The following XKR9 variants were observed in gnomAD, a reference collection of about 807,000 sequenced individuals.
XKR9 encodes the protein XK-related protein 9.
Under a neutral mutation model 32.0 loss-of-function variants are expected in XKR9, and 32 were observed. The ratio of observed to expected loss-of-function variants is 1.00; its 90% CI spans 0.76 to 1.34. The LOEUF (loss-of-function observed/expected upper bound fraction) is 1.34, where lower values mean the gene tolerates loss of function less well. Ranked by LOEUF, XKR9 falls within the 40% of genes most tolerant of loss-of-function variation. The pLI, the probability that XKR9 is intolerant of heterozygous loss-of-function variation, is 0.00. For missense variants in XKR9, 546 were observed against 429.7 expected (o/e 1.27, Z -2.39); for synonymous variants, 168 against 143.4 (o/e 1.17, Z -1.22).
chr8:71,017,144 T>G, the XKR9 span, among the ~76,000 whole-genome samples: 2 of 152,178 alleles, frequency 1.3e-5, no homozygotes, highest in South Asian at 4.1e-4. Context: ...GTATTTTATG[T>G]GGAATTTTGA....
At chr8:71,015,931 G>T in the XKR9 span, among the ~76,000 whole-genome samples, 17 of 152,188 alleles carry the variant, frequency 1.1e-4, no homozygotes, top group African/African-American at 4.1e-4. Context: ...TAGAAAAGGG[G>T]TGCTGTGTAT....
chr8:70,827,381 C>A, the XKR9 span, among the ~76,000 whole-genome samples: 3 of 152,066 alleles, frequency 2.0e-5, no homozygotes, highest in Admixed American at 6.5e-5. Flanking sequence ...ATTTAGTGTT[C>A]TTTTTAGCTT....
chr8:70,957,982 T>G, the XKR9 span, among the ~76,000 whole-genome samples: 1 of 152,002 alleles, frequency 6.6e-6, no homozygotes, highest in African/African-American at 2.4e-5. Flanking sequence ...GAGATGAGCT[T>G]CCACCATGTT....
intron 2 of XKR9, among the ~76,000 whole-genome samples, chr8:70,776,799 T>C (rs13254851): frequency 0.4 from 60,325 of 150,628 alleles, 13,567 homozygotes; most frequent in Non-Finnish European, 0.52. Context: ...TTAAGAAATC[T>C]TTATAATTTT....
At chr8:70,715,755 G>C (rs552385021) in intron 4 of XKR9, among the ~76,000 whole-genome samples, 1 of 152,092 alleles carries the variant, frequency 6.6e-6, no homozygotes. Flanking sequence ...AAACTGAATG[G>C]CATGAAATTT....
chr8:70,812,366 C>G, the XKR9 span, among the ~76,000 whole-genome samples: 2 of 152,314 alleles, frequency 1.3e-5, no homozygotes, highest in East Asian at 3.9e-4. Flanking sequence ...GAAGCTTTCT[C>G]TTTGAAAACT....
In XKR9 at chr8:70,730,405, T is replaced by C. The variant is rs565315040; in HGVS notation, c.494-3391T>C. 2.0e-5 allele frequency among the ~76,000 whole-genome samples: 3 copies of C among 152,264 alleles called. No homozygotes were observed. The South Asian group carries it at 6.2e-4, about 32-fold the overall frequency. On this transcript the variant is annotated intron_variant, in intron 4 of 4. Coordinates refer to ENST00000408926, the MANE Select transcript of XKR9 (RefSeq NM_001011720.2). Reference sequence around the variant, plus strand: ...ACAGTTTTCTCCATAGAGCTCTTTTTTTCTAAAGAAAAATTCTTTTAAATT... The same window carrying C: ...ACAGTTTTCTCCATAGAGCTCTTTTCTTCTAAAGAAAAATTCTTTTAAATT...
the XKR9 span, among the ~76,000 whole-genome samples, chr8:71,054,692 T>C: frequency 6.6e-6 from 1 of 152,220 alleles, no homozygotes; most frequent in East Asian, 1.9e-4. Flanking sequence ...TTATTGTAAC[T>C]AGTGACATAA....
At chr8:70,758,924 T>C (rs1377622841) in intron 2 of XKR9, among the ~76,000 whole-genome samples, 1 of 152,232 alleles carries the variant, frequency 6.6e-6, no homozygotes, top group African/African-American at 2.4e-5. Context: ...TCTAATGTGC[T>C]GGCCTGTGTT....
chr8:71,025,848 T>C, the XKR9 span, among the ~76,000 whole-genome samples: 1 of 152,230 alleles, frequency 6.6e-6, no homozygotes, highest in African/African-American at 2.4e-5. Flanking sequence ...CCTTTTATTT[T>C]GCCTGCCCTC....
At chr8:70,983,965 G>T in the XKR9 span, among the ~76,000 whole-genome samples, 1 of 152,268 alleles carries the variant, frequency 6.6e-6, no homozygotes, top group South Asian at 2.1e-4. Context: ...TAACAATCAT[G>T]ATGGAAACAA....
At chr8:70,979,803 G>A in the XKR9 span, among the ~76,000 whole-genome samples, 1 of 152,184 alleles carries the variant, frequency 6.6e-6, no homozygotes, top group Non-Finnish European at 1.5e-5. Flanking sequence ...CCGTCAGATA[G>A]GGATGTTTAA....
chr8:70,989,244 C>T, the XKR9 span, among the ~76,000 whole-genome samples: 2 of 152,090 alleles, frequency 1.3e-5, no homozygotes, highest in African/African-American at 2.4e-5. Context: ...CATGGAAATC[C>T]CCAAATTATT....
chr8:70,964,280 G>A, the XKR9 span, among the ~76,000 whole-genome samples: 1 of 152,142 alleles, frequency 6.6e-6, no homozygotes, highest in East Asian at 1.9e-4. Context: ...AGTTGTAGGT[G>A]TGTAGTCTTG....
At chr8:70,860,329 T>C in the XKR9 span, among the ~76,000 whole-genome samples, 2 of 152,060 alleles carry the variant, frequency 1.3e-5, no homozygotes, top group African/African-American at 4.8e-5. Flanking sequence ...CTTTATGCCA[T>C]GTGAAGATAC....
At chr8:70,952,831 A>C in the XKR9 span, among the ~76,000 whole-genome samples, 1 of 152,214 alleles carries the variant, frequency 6.6e-6, no homozygotes, top group Non-Finnish European at 1.5e-5. Flanking sequence ...ACCACTAACC[A>C]CTGCTACTCA....
At chr8:71,053,393 A>C in the XKR9 span, among the ~76,000 whole-genome samples, 3 of 152,264 alleles carry the variant, frequency 2.0e-5, no homozygotes, top group Non-Finnish European at 4.4e-5. Flanking sequence ...GACACTGGGA[A>C]GTATAAAACA....
the XKR9 span, among the ~76,000 whole-genome samples, chr8:71,008,208 T>C: frequency 6.6e-6 from 1 of 152,274 alleles, no homozygotes; most frequent in East Asian, 1.9e-4. Flanking sequence ...TCACCAAACA[T>C]GTCCTGATGG....
chr8:70,796,813 T>C, the XKR9 span, among the ~76,000 whole-genome samples: 1 of 152,208 alleles, frequency 6.6e-6, no homozygotes, highest in Non-Finnish European at 1.5e-5. Flanking sequence ...TTAATACATA[T>C]TTGTTGAATG....
Sources: allele counts gnomAD v4.1 joint callset (sites outside exome capture counted in the v4.1 genomes callset), GRCh38; gene constraint gnomAD v4.1.1; transcripts MANE v1.5; gene names NCBI Gene and HGNC (gene_info 2026-07-23, HGNC 2026-07-21).